TRPM7: variants seen among roughly 807,000 people sequenced by gnomAD.
TRPM7 encodes transient receptor potential cation channel subfamily M member 7.
TRPM7 carries 134 observed loss-of-function variants against 229.7 expected under a neutral mutation model. The ratio of observed to expected loss-of-function variants is 0.58; its 90% CI spans 0.51 to 0.67. The LOEUF (loss-of-function observed/expected upper bound fraction) is 0.67, where lower values mean the gene tolerates loss of function less well. TRPM7 is among the 30% of genes least tolerant of loss of function. The pLI, the probability that TRPM7 is intolerant of heterozygous loss-of-function variation, is 0.00. For missense variants in TRPM7, 1,901 were observed against 2,210.0 expected, an observed-to-expected ratio of 0.86 and a Z score of 2.80; for synonymous variants, 699 against 715.2, an observed-to-expected ratio of 0.98 and a Z score of 0.36.
chr15:50,685,173 C>G (rs1282445116), intron 1 of TRPM7, among the ~76,000 whole-genome samples: 4 of 152,200 alleles, frequency 2.6e-5, no homozygotes, highest in Non-Finnish European at 5.9e-5. Flanking sequence ...TTTGAAATCT[C>G]CCATGTTGGC....
rs2060019936 is a variant in TRPM7 at position 50,609,813 on chromosome 15, A to T, written c.2429T>A (p.Ile810Asn). The T allele has an allele frequency of 6.2e-7, 1 of 1,609,368 alleles. No individual in the cohort carries two copies. The highest frequency in any genetic ancestry group is 1.3e-5 in the African/African-American group (1 of 74,758). ...ENNFQNITEE[I>N]PMEVFKEVRI... ...AAATGTTTTCCTGCTTACCATGGGG[A>T]TCTCTTCTGTTATGTTCTGAAAGTT... is the stretch of plus-strand genomic sequence containing the variant. The change falls in exon 18 of 39, where the codon ATC becomes AAC. Residue 810 changes from isoleucine to asparagine, a missense_variant. This residue lies in a region of TRPM7 where 207 missense variants were observed against 241.5 expected (regional missense o/e 0.86). Coordinates refer to ENST00000646667, the MANE Select transcript of TRPM7 (RefSeq NM_017672.6).
chr15:50,672,685 G>A (rs906677373), intron 1 of TRPM7, among the ~76,000 whole-genome samples: 7 of 151,722 alleles, frequency 4.6e-5, no homozygotes, highest in African/African-American at 1.5e-4. Flanking sequence ...TGAGGCAGGC[G>A]GATCATCTGA....
chr15:50,613,475 C>G (rs1383849131), intron 15 of TRPM7, among the ~76,000 whole-genome samples: 1 of 126,694 alleles, frequency 7.9e-6, no homozygotes, highest in Admixed American at 1.0e-4. Context: ...ACACTCCAGC[C>G]TGGTGACAGA....
At chr15:50,657,949 G>C (rs1339225203) in intron 2 of TRPM7, 130 bp from the exon 3 acceptor site, 34 of 590,920 alleles carry the variant, frequency 5.8e-5, no homozygotes, top group Non-Finnish European at 9.6e-5. Context: ...AGATATTATA[G>C]TTCACGTATA....
chr15:50,599,124 T>A lies in TRPM7; in HGVS notation c.3161A>T (p.Asp1054Val). Reference sequence around the variant, plus strand: ...ATCTGTAAATATACAATTCTTACCATCAATTTCGTATGCATAAACTTCACC... The same window carrying A: ...ATCTGTAAATATACAATTCTTACCAACAATTTCGTATGCATAAACTTCACC... ...IFGEVYAYEI[D>V]VCANDSVIPQ... The change falls in exon 22 of 39, where the codon GAT becomes GTT. Residue 1054 changes from aspartate (D) to valine (V), a missense_variant and splice_region_variant. Asp to Val is a radical substitution (Grantham distance 152). Around this residue, in one of 8 missense-constraint regions of TRPM7, gnomAD observed 89 missense variants for 178.2 expected, o/e 0.50. Transcript: ENST00000646667. 1 of 1,591,532 alleles carries A rather than the reference T, an allele frequency of 6.3e-7. No individual in the cohort carries two copies.
intron 12 of TRPM7, among the ~76,000 whole-genome samples, chr15:50,622,811 G>A (rs530087502): frequency 5.9e-5 from 9 of 152,214 alleles, no homozygotes; most frequent in Non-Finnish European, 8.8e-5. Flanking sequence ...GCTTGAACCC[G>A]GAAGGCAGAG....
chr15:50,612,907 A>T, intron 15 of TRPM7, 78 bp from the exon 16 acceptor site: 1 of 1,272,598 alleles, frequency 7.9e-7, no homozygotes, highest in African/African-American at 1.5e-5. Flanking sequence ...TTTTAGTAAA[A>T]TATCTTTACA....
At position 50,607,247 on chromosome 15, in the gene TRPM7, T is replaced by C; in HGVS notation, c.2662A>G (p.Ile888Val). Residue 888 changes from isoleucine (I) to valine (V), a missense_variant, in exon 20 of 39, where the codon ATT (isoleucine) becomes GTT (valine). By Grantham distance (29) the Ile-to-Val change is conservative (BLOSUM62 3). Transcript: ENST00000646667. ...MEQLPSVQEW[I>V]VIAYIFTYAI... Reference sequence around the variant, plus strand: ...TAAGTAAAAATATAAGCAATAACAATCCATTCTTGAACTGAAGGTAACTGT... The same window carrying C: ...TAAGTAAAAATATAAGCAATAACAACCCATTCTTGAACTGAAGGTAACTGT... 1 of 1,611,366 alleles carries C rather than the reference T, an allele frequency of 6.2e-7. No homozygotes were observed. Among genetic ancestry groups the C allele is most frequent in the Admixed American group, 1.7e-5 (1 of 59,684 alleles).
At chr15:50,675,249 A>G (rs139065788) in intron 1 of TRPM7, among the ~76,000 whole-genome samples, 8 of 152,230 alleles carry the variant, frequency 5.3e-5, no homozygotes, top group African/African-American at 1.7e-4. Flanking sequence ...AGGCTGAGGC[A>G]GGAGAATCGA....
At chr15:50,677,759 A>C (rs974812230) in intron 1 of TRPM7, among the ~76,000 whole-genome samples, 1 of 149,430 alleles carries the variant, frequency 6.7e-6, no homozygotes, top group Non-Finnish European at 1.5e-5. Context: ...AAAAAAAAAA[A>C]ACAAAAGGTA....
chr15:50,619,831 T>G (rs753476006), intron 12 of TRPM7, 33 bp from the exon 13 acceptor site: 3 of 1,559,070 alleles, frequency 1.9e-6, no homozygotes, highest in Non-Finnish European at 1.7e-6. Flanking sequence ...CAAACTATTA[T>G]TTTTCTTCTA....
intron 4 of TRPM7, among the ~76,000 whole-genome samples, chr15:50,644,797 CAAAA>C (rs201997665): frequency 4.6e-5 from 3 of 64,838 alleles, no homozygotes; most frequent in African/African-American, 8.9e-5. Flanking sequence ...AACTGCGTCT[CAAAA>C]AAAAAAAAAA....
intron 10 of TRPM7, 133 bp from the exon 11 acceptor site, chr15:50,628,382 A>T: frequency 1.7e-6 from 1 of 596,214 alleles, no homozygotes; most frequent in Non-Finnish European, 3.0e-6. Flanking sequence ...ATCATGGCTC[A>T]CTGCAGCCTT....
chr15:50,627,838 A>G (rs1020517216), intron 11 of TRPM7, among the ~76,000 whole-genome samples: 2 of 152,200 alleles, frequency 1.3e-5, no homozygotes, highest in African/African-American at 4.8e-5. Context: ...GAGGAAGACT[A>G]AAAAAGGAAT....
rs761805375 is a variant in TRPM7 at position 50,609,686 on chromosome 15, T to C, written c.2475A>G (p.Glu825=). 14 of 1,607,318 alleles carry C rather than the reference T, an allele frequency of 8.7e-6. No homozygotes were observed. The South Asian group carries it at 1.3e-4, about 15-fold the overall frequency. ...FKEVRILDSN[E]GKNEMEIQMK... is the part of the protein sequence containing the mutation. ...TTTGTATCTCCATCTCATTCTTTCC[T>C]TCATTACTATCCAAAATCCGTACTT... is the stretch of plus-strand genomic sequence containing the variant. The change falls in exon 19 of 39, where the codon GAA becomes GAG. Residue 825 remains glutamate (E), a synonymous_variant. Coordinates refer to ENST00000646667, the MANE Select transcript of TRPM7 (RefSeq NM_017672.6).
chr15:50,685,400 T>C (rs2062335070), intron 1 of TRPM7, among the ~76,000 whole-genome samples: 1 of 152,226 alleles, frequency 6.6e-6, no homozygotes, highest in East Asian at 1.9e-4. Context: ...GATGTTGCAG[T>C]GAGCGGAGAT....
chr15:50,663,020 A>G lies in TRPM7; in HGVS notation c.30T>C (p.Thr10=). The G allele has an allele frequency of 6.2e-7, 1 of 1,613,822 alleles. No individual in the cohort carries two copies. Among genetic ancestry groups the G allele is most frequent in the Non-Finnish European group, 8.5e-7 (1 of 1,179,804 alleles). Residue 10 remains threonine (T), a synonymous_variant, in exon 2 of 39, where the codon ACT becomes ACC. Transcript: ENST00000646667. ...TATATACACATTCCCTCTTGGTCAA[A>G]GTGCTTTCTATCCAGGATTTCTGGG... MSQKSWIES[T]LTKRECVYII...
chr15:50,630,081 T>G (rs575399469), intron 10 of TRPM7, among the ~76,000 whole-genome samples: 124 of 152,096 alleles, frequency 8.2e-4, no homozygotes, highest in African/African-American at 3.0e-3. Flanking sequence ...AGGCTGATCT[T>G]GAACTCCTGA....
intron 38 of TRPM7, among the ~76,000 whole-genome samples, chr15:50,564,859 C>A (rs1297531007): frequency 2.6e-5 from 4 of 152,012 alleles, no homozygotes; most frequent in Admixed American, 2.6e-4. Flanking sequence ...AGCTAATCTG[C>A]GATTACTGTA....
Sources: allele counts gnomAD v4.1 joint callset (sites outside exome capture counted in the v4.1 genomes callset), GRCh38; gene constraint gnomAD v4.1.1; regional missense constraint gnomAD v4.1.1; transcripts MANE v1.5; gene names NCBI Gene and HGNC (gene_info 2026-07-23, HGNC 2026-07-21).